The following ATP6V0A4 variants were observed in gnomAD, a reference collection of about 807,000 sequenced individuals.
ATP6V0A4 encodes the protein ATPase H+ transporting V0 subunit a4, also known as V-type proton ATPase 116 kDa subunit a 4.
ATP6V0A4 carries 86 observed loss-of-function variants against 107.3 expected under a neutral mutation model. The observed-to-expected ratio is 0.80, with a 90% CI of 0.67 to 0.96. The LOEUF (loss-of-function observed/expected upper bound fraction) is 0.96, where lower values mean the gene tolerates loss of function less well. Ranked by LOEUF, ATP6V0A4 falls within the 40% of genes least tolerant of loss-of-function variation. ATP6V0A4 has a pLI of 0.00. For synonymous variants in ATP6V0A4, 353 were observed against 381.4 expected (o/e 0.93, Z 0.87); for missense variants, 908 against 1,045.6 (o/e 0.87, Z 1.81).
At chr7:138,730,763 A>G (rs1457828538) in intron 17 of ATP6V0A4, among the ~76,000 whole-genome samples, 1 of 152,128 alleles carries the variant, frequency 6.6e-6, no homozygotes, top group African/African-American at 2.4e-5. Flanking sequence ...CACTGAGTAA[A>G]TGAACCTTCA....
intron 14 of ATP6V0A4, among the ~76,000 whole-genome samples, chr7:138,743,335 G>A (rs1339674426): frequency 2.0e-5 from 3 of 151,898 alleles, no homozygotes; most frequent in Admixed American, 6.6e-5. Flanking sequence ...GTGTGTGCCT[G>A]TAGTCCCAGC....
intron 2 of ATP6V0A4, among the ~76,000 whole-genome samples, chr7:138,777,681 T>G (rs62486969): frequency 0.096 from 14,503 of 150,742 alleles, 971 homozygotes; most frequent in Non-Finnish European, 0.14. Context: ...TTACTTTGGC[T>G]TCTGCATCTG....
At position 138,797,991 on chromosome 7, in the gene ATP6V0A4, G is replaced by C. The variant is rs982975689; in HGVS notation, c.-121+43C>G. The C allele has an allele frequency of 1.6e-5, 25 of 1,546,722 alleles. No individual in the cohort carries two copies. In the African/African-American group the frequency reaches 3.3e-4, roughly 20 times the overall value. On this transcript the variant is annotated intron_variant, in intron 1 of 21. Coordinates refer to ENST00000310018, the MANE Select transcript of ATP6V0A4 (RefSeq NM_020632.3). Reference sequence around the variant, plus strand: ...AAACACCCAGCATAAGTTCACCTCTGGCAGAGTTGCTTTCCAGCTCCTGCA... The same window carrying C: ...AAACACCCAGCATAAGTTCACCTCTCGCAGAGTTGCTTTCCAGCTCCTGCA...
At chr7:138,752,136 G>A (rs1366101517) in intron 11 of ATP6V0A4, among the ~76,000 whole-genome samples, 1 of 152,140 alleles carries the variant, frequency 6.6e-6, no homozygotes, top group Non-Finnish European at 1.5e-5. Context: ...TTGGGAGGTT[G>A]AGGCAGGCGA....
At chr7:138,716,478 G>A (rs1238182746) in intron 19 of ATP6V0A4, among the ~76,000 whole-genome samples, 1 of 151,408 alleles carries the variant, frequency 6.6e-6, no homozygotes, top group African/African-American at 2.4e-5. Context: ...TTGGTTATGA[G>A]CTCAGTAACA....
intron 11 of ATP6V0A4, among the ~76,000 whole-genome samples, chr7:138,752,048 G>GATAGTCTAGCTGAGAGACTGGCACATTA (rs1563001868): frequency 5.3e-5 from 8 of 152,084 alleles, no homozygotes; most frequent in Non-Finnish European, 1.0e-4. Flanking sequence ...CCCCCAAAAC[G>GATAGTCTAGCTGAGAGACTGGCACATTA]ATAGTCTAGC....
At chr7:138,782,260 T>C (rs1474931954) in intron 2 of ATP6V0A4, among the ~76,000 whole-genome samples, 1 of 152,216 alleles carries the variant, frequency 6.6e-6, no homozygotes, top group African/African-American at 2.4e-5. Context: ...TTGGCATTCC[T>C]TGGCTTGGAG....
chr7:138,752,540 A>G (rs1213602059), intron 11 of ATP6V0A4, 85 bp downstream of exon 11: 31 of 1,530,456 alleles, frequency 2.0e-5, no homozygotes, highest in Non-Finnish European at 1.9e-5. Context: ...ACTTGAGTTC[A>G]TGTGGCCCAT....
At chr7:138,742,930 G>C (rs980222555) in intron 14 of ATP6V0A4, among the ~76,000 whole-genome samples, 1 of 147,240 alleles carries the variant, frequency 6.8e-6, no homozygotes, top group East Asian at 2.0e-4. Flanking sequence ...AGATATAGCT[G>C]TCTGTATGTC....
intron 21 of ATP6V0A4, among the ~76,000 whole-genome samples, chr7:138,707,253 G>GAATATATTATAT (rs1803467723): frequency 3.1e-5 from 2 of 64,990 alleles, no homozygotes; most frequent in African/African-American, 7.9e-5. Flanking sequence ...ATATTATATA[G>GAATATATTATAT]AATATATATT....
intron 16 of ATP6V0A4, among the ~76,000 whole-genome samples, chr7:138,733,793 G>T (rs983965748): frequency 2.0e-5 from 3 of 151,962 alleles, no homozygotes; most frequent in African/African-American, 7.2e-5. Context: ...GGCCAGGCTG[G>T]TCTTGAACTC....
intron 1 of ATP6V0A4, among the ~76,000 whole-genome samples, chr7:138,788,434 GA>G (rs1208509951): frequency 3.9e-5 from 6 of 152,162 alleles, no homozygotes; most frequent in Non-Finnish European, 8.8e-5. Context: ...CTTGTTTGAT[GA>G]CAGTAACTCA....
chr7:138,779,623 T>C (rs765650525), intron 2 of ATP6V0A4, among the ~76,000 whole-genome samples: 3 of 152,148 alleles, frequency 2.0e-5, no homozygotes, highest in African/African-American at 4.8e-5. Context: ...ATAAAGACAA[T>C]GACAGGGTCA....
At chr7:138,789,983 A>G (rs1000456921) in intron 1 of ATP6V0A4, among the ~76,000 whole-genome samples, 5 of 150,634 alleles carry the variant, frequency 3.3e-5, no homozygotes, top group African/African-American at 1.2e-4. Context: ...AAAAAAAAAA[A>G]AAAAAAAGTA....
At chr7:138,710,442 G>A (rs1056383968) in intron 20 of ATP6V0A4, among the ~76,000 whole-genome samples, 19 of 151,974 alleles carry the variant, frequency 1.3e-4, no homozygotes, top group Admixed American at 5.3e-4. Context: ...CACCCGCCTC[G>A]GCCTCCAAAG....
intron 19 of ATP6V0A4, 112 bp downstream of exon 19, chr7:138,721,785 C>T (rs1455587161): frequency 5.7e-6 from 7 of 1,229,530 alleles, no homozygotes; most frequent in Non-Finnish European, 8.2e-6. Flanking sequence ...TCAGCAGTGA[C>T]AGGGCTACTG....
At chr7:138,792,125 G>A (rs10252341) in intron 1 of ATP6V0A4, among the ~76,000 whole-genome samples, 7,511 of 152,076 alleles carry the variant, frequency 0.049, 604 homozygotes, top group African/African-American at 0.17. Context: ...TGGCTAACAC[G>A]GTGAAACCCC....
In ATP6V0A4 at chr7:138,715,837, G is replaced by A. The variant is rs776491136; in HGVS notation, c.2184C>T (p.Ile728=). ...TTGAAATGCAGCCCAGGCAGTACTCGATGGTGTGGATGGCTTGGTGGACAA... is the reference window on the plus strand; with the variant it reads ...TTGAAATGCAGCCCAGGCAGTACTCAATGGTGTGGATGGCTTGGTGGACAA... The part of the protein sequence containing the change: ...DVFVHQAIHT[I]EYCLGCISNT... Residue 728 remains isoleucine (I), a synonymous_variant, in exon 20 of 22, where the codon ATC becomes ATT. Coordinates refer to ENST00000310018, the MANE Select transcript of ATP6V0A4 (RefSeq NM_020632.3). The A allele has an allele frequency of 4.3e-6, 7 of 1,613,684 alleles. No individual in the cohort carries two copies. In the African/African-American group the frequency reaches 6.7e-5, roughly 15 times the overall value.
chr7:138,777,245 G>A (rs1807702582), intron 2 of ATP6V0A4, among the ~76,000 whole-genome samples: 1 of 152,124 alleles, frequency 6.6e-6, no homozygotes, highest in African/African-American at 2.4e-5. Context: ...TAAGGAATTT[G>A]AATTTTATTC....
Sources: gnomAD v4.1 joint callset for allele counts (sites outside exome capture counted in the v4.1 genomes callset) on GRCh38, gnomAD v4.1.1 for gene constraint, MANE v1.5 for transcripts, NCBI Gene and HGNC (gene_info 2026-07-23, HGNC 2026-07-21) for gene names.